The following GABRB1 variants were observed in gnomAD, a reference collection of about 807,000 sequenced individuals.
GABRB1 encodes the protein gamma-aminobutyric acid type A receptor subunit beta1, also known as gamma-aminobutyric acid receptor subunit beta-1.
In GABRB1, 17 loss-of-function variants were observed where a neutral mutation model predicts 51.6. That is an observed-to-expected ratio of 0.33 (90% confidence interval 0.23 to 0.49). The LOEUF is 0.49. Ranked by LOEUF, GABRB1 falls within the 20% of genes least tolerant of loss-of-function variation. GABRB1 has a pLI of 0.99. For synonymous variants in GABRB1, 247 were observed against 218.9 expected (o/e 1.13, Z -1.14); for missense variants, 410 against 600.6 (o/e 0.68, Z 3.32).
At chr4:47,331,202 C>T (rs1177453104) in intron 5 of GABRB1, among the ~76,000 whole-genome samples, 1 of 151,668 alleles carries the variant, frequency 6.6e-6, no homozygotes. Flanking sequence ...ATTTTAGTGC[C>T]TGTAGCTTTT....
chr4:47,142,422 A>G (rs778018198), intron 3 of GABRB1, among the ~76,000 whole-genome samples: 66 of 151,982 alleles, frequency 4.3e-4, no homozygotes, highest in Non-Finnish European at 7.2e-4. Context: ...GGACAGAAAT[A>G]AGGGATGTGG....
intron 4 of GABRB1, among the ~76,000 whole-genome samples, chr4:47,253,666 GC>G (rs1722075984): frequency 6.6e-6 from 1 of 152,106 alleles, no homozygotes; most frequent in Non-Finnish European, 1.5e-5. Context: ...CATTACTCTT[GC>G]TTTTTGTCCA....
chr4:47,382,618 C>T (rs1004073517), intron 5 of GABRB1, among the ~76,000 whole-genome samples: 1 of 152,162 alleles, frequency 6.6e-6, no homozygotes, highest in Non-Finnish European at 1.5e-5. Flanking sequence ...GGTCATGGAA[C>T]TCTGTACTTC....
At chr4:46,994,332 C>G (rs1723901613) in intron 1 of GABRB1, 1 of 152,074 alleles carries the variant, frequency 6.6e-6, no homozygotes, top group Non-Finnish European at 1.5e-5. Flanking sequence ...CAAGCGACCT[C>G]TGGTCAAAAT....
At chr4:47,201,880 A>C (rs1442140658) in intron 4 of GABRB1, among the ~76,000 whole-genome samples, 1 of 152,194 alleles carries the variant, frequency 6.6e-6, no homozygotes, top group Non-Finnish European at 1.5e-5. Flanking sequence ...ATATAAGCAC[A>C]TGCTGCTTTG....
At chr4:47,075,783 T>C (rs2109554581) in intron 3 of GABRB1, among the ~76,000 whole-genome samples, 1 of 152,320 alleles carries the variant, frequency 6.6e-6, no homozygotes, top group East Asian at 1.9e-4. Flanking sequence ...GGCACATTTA[T>C]GGAGGCTGGC....
chr4:47,170,415 ACACG>A (rs1718391819), intron 4 of GABRB1, among the ~76,000 whole-genome samples: 1 of 151,938 alleles, frequency 6.6e-6, no homozygotes, highest in East Asian at 1.9e-4. Context: ...ACACACACAC[ACACG>A]CACACACGCA....
At chr4:47,208,933 C>T (rs1040702873) in intron 4 of GABRB1, among the ~76,000 whole-genome samples, 3 of 151,802 alleles carry the variant, frequency 2.0e-5, no homozygotes, top group Admixed American at 6.6e-5. Context: ...TGGTACTATC[C>T]GTGTTATACT....
intron 4 of GABRB1, among the ~76,000 whole-genome samples, chr4:47,179,531 C>A (rs769259862): frequency 1.3e-5 from 2 of 151,826 alleles, no homozygotes; most frequent in Non-Finnish European, 2.9e-5. Flanking sequence ...TGGAACCAAC[C>A]CAAATGGGCC....
chr4:47,231,667 T>A (rs2109836164), intron 4 of GABRB1, among the ~76,000 whole-genome samples: 1 of 152,344 alleles, frequency 6.6e-6, no homozygotes, highest in South Asian at 2.1e-4. Context: ...CTTTTCATAT[T>A]GACCAAAAAA....
At chr4:47,387,380 G>A (rs578201584) in intron 5 of GABRB1, among the ~76,000 whole-genome samples, 1 of 152,250 alleles carries the variant, frequency 6.6e-6, no homozygotes, top group East Asian at 1.9e-4. Flanking sequence ...GCTGAGGCAG[G>A]AGAATCACTT....
chr4:47,000,693 T>G (rs1724152057), intron 1 of GABRB1, among the ~76,000 whole-genome samples: 1 of 152,196 alleles, frequency 6.6e-6, no homozygotes, highest in African/African-American at 2.4e-5. Context: ...TGGCTGGAGA[T>G]CTCTCTTCCC....
intron 4 of GABRB1, among the ~76,000 whole-genome samples, chr4:47,285,477 T>G (rs1019280904): frequency 1.3e-5 from 2 of 152,226 alleles, no homozygotes; most frequent in Non-Finnish European, 1.5e-5. Context: ...ATTTATAGTA[T>G]CCGGTAAATT....
intron 3 of GABRB1, among the ~76,000 whole-genome samples, chr4:47,089,554 A>G (rs1370594881): frequency 6.6e-6 from 1 of 152,190 alleles, no homozygotes; most frequent in East Asian, 1.9e-4. Context: ...CTATCTATTC[A>G]TGTTTTAAAA....
At chr4:47,250,290 T>C (rs941408946) in intron 4 of GABRB1, among the ~76,000 whole-genome samples, 6 of 152,210 alleles carry the variant, frequency 3.9e-5, no homozygotes, top group African/African-American at 1.2e-4. Context: ...CCAATCCCTT[T>C]TAGCTTGTAG....
chr4:47,180,154 G>A (rs370698038), intron 4 of GABRB1, among the ~76,000 whole-genome samples: 13 of 151,646 alleles, frequency 8.6e-5, no homozygotes, highest in African/African-American at 2.9e-4. Context: ...AACTTCTTTT[G>A]CAACAAGAAA....
intron 3 of GABRB1, among the ~76,000 whole-genome samples, chr4:47,116,684 G>T (rs1042353393): frequency 3.3e-5 from 5 of 152,158 alleles, no homozygotes; most frequent in Admixed American, 1.3e-4. Flanking sequence ...TATTATTGTT[G>T]TAATTACAAT....
In GABRB1 at chr4:47,173,641, T is replaced by G. The variant is rs189491463; in HGVS notation, c.461+12172T>G. On this transcript the variant is annotated intron_variant, in intron 4 of 8. Transcript: ENST00000295454. ...TCTAAGTTATTTTAAAAGTGATGTCTGCTGCATTTGTTCAGAAGTGCCTCA... is the reference window on the plus strand; with the variant it reads ...TCTAAGTTATTTTAAAAGTGATGTCGGCTGCATTTGTTCAGAAGTGCCTCA... Among the ~76,000 whole-genome samples the G allele has an allele frequency of 2.5e-4, 38 of 152,344 alleles. No homozygotes were observed. In the East Asian group the frequency reaches 7.1e-3, roughly 29 times the overall value.
At chr4:47,019,936 GTATA>G (rs1724880599) in intron 1 of GABRB1, among the ~76,000 whole-genome samples, 6 of 149,874 alleles carry the variant, frequency 4.0e-5, no homozygotes, top group African/African-American at 1.5e-4. Flanking sequence ...ATATGTATAC[GTATA>G]TGTATATGTA....
Sources: allele counts gnomAD v4.1 joint callset (sites outside exome capture counted in the v4.1 genomes callset), GRCh38; gene constraint gnomAD v4.1.1; transcripts MANE v1.5; gene names NCBI Gene and HGNC (gene_info 2026-07-23, HGNC 2026-07-21).